The following SLC8A1 variants were observed in gnomAD, a reference collection of about 807,000 sequenced individuals.
SLC8A1 encodes the protein solute carrier family 8 member A1.
SLC8A1 carries 18 observed loss-of-function variants against 68.3 expected under a neutral mutation model. That is an observed-to-expected ratio of 0.26 (90% CI 0.18 to 0.39). SLC8A1 has a LOEUF of 0.39. Among genes scored for constraint, SLC8A1 ranks in the 10% least tolerant of loss-of-function variants. SLC8A1 has a pLI of 1.00. For missense variants in SLC8A1, 985 were observed against 1,156.7 expected (o/e 0.85, Z 2.15); for synonymous variants, 475 against 415.5 (o/e 1.14, Z -1.74).
chr2:40,241,836 C>A (rs568850794), intron 2 of SLC8A1, among the ~76,000 whole-genome samples: 1 of 152,200 alleles, frequency 6.6e-6, no homozygotes, highest in Admixed American at 6.5e-5. Context: ...TTGTTCCAAT[C>A]TAGTAAGATC....
chr2:40,356,462 C>T (rs1672694132), intron 2 of SLC8A1, among the ~76,000 whole-genome samples: 1 of 151,998 alleles, frequency 6.6e-6, no homozygotes, highest in South Asian at 2.1e-4. Context: ...CGCGTGAATA[C>T]TTCCAAATAT....
intron 2 of SLC8A1, among the ~76,000 whole-genome samples, chr2:40,189,238 T>C (rs372119663): frequency 4.5e-4 from 68 of 152,354 alleles, no homozygotes; most frequent in African/African-American, 1.4e-3. Context: ...TTAGCCAGTT[T>C]ATATTCCATG....
chr2:40,252,959 G>A (rs1366368892), intron 2 of SLC8A1, among the ~76,000 whole-genome samples: 28 of 81,586 alleles, frequency 3.4e-4, no homozygotes, highest in Admixed American at 5.7e-4. Context: ...ACATATGTGT[G>A]TATATGTATG....
chr2:40,166,974 A>T (rs1161548965), intron 4 of SLC8A1, among the ~76,000 whole-genome samples: 1 of 152,240 alleles, frequency 6.6e-6, no homozygotes, highest in African/African-American at 2.4e-5. Flanking sequence ...CTTATAAATG[A>T]CAAGCTGCTT....
chr2:40,411,772 T>C (rs1373422269), intron 2 of SLC8A1, among the ~76,000 whole-genome samples: 2 of 152,106 alleles, frequency 1.3e-5, no homozygotes, highest in African/African-American at 4.8e-5. Flanking sequence ...AGATTATACC[T>C]GTACACACTA....
At chr2:40,215,114 GTATT>G (rs1202464773) in intron 2 of SLC8A1, among the ~76,000 whole-genome samples, 1 of 152,060 alleles carries the variant, frequency 6.6e-6, no homozygotes, top group African/African-American at 2.4e-5. Flanking sequence ...CTCTGCTAAA[GTATT>G]TATGAGTTGT....
At chr2:40,438,115 G>A (rs984824804) in intron 1 of SLC8A1, among the ~76,000 whole-genome samples, 8 of 152,136 alleles carry the variant, frequency 5.3e-5, no homozygotes, top group Admixed American at 4.6e-4. Context: ...GCAAGCTAGA[G>A]ATTTCAATTA....
Position 40,434,531 on chromosome 2 carries a change from T to G in SLC8A1, c.-24-4227A>C, listed in dbSNP as rs114997489. Among the ~76,000 whole-genome samples the G allele has an allele frequency of 3.9e-3, 600 of 152,284 alleles. 6 individuals are homozygous for G. Among genetic ancestry groups the G allele is most frequent in the African/African-American group, 0.014 (586 of 41,572 alleles). Reference sequence around the variant, plus strand: ...CCTCAAATATACATTTCCATACAAATTAAGCAGAAAGATAAGAATAGAGAC... The same window carrying G: ...CCTCAAATATACATTTCCATACAAAGTAAGCAGAAAGATAAGAATAGAGAC... On this transcript the variant is annotated intron_variant, in intron 1 of 7. Transcript: ENST00000406785.
At chr2:40,468,771 C>T (rs547127297) in intron 1 of SLC8A1, among the ~76,000 whole-genome samples, 5 of 152,030 alleles carry the variant, frequency 3.3e-5, no homozygotes, top group Admixed American at 6.6e-5. Context: ...CCTTCACCTT[C>T]GATGACTTTA....
intron 2 of SLC8A1, among the ~76,000 whole-genome samples, chr2:40,329,782 T>C (rs1391988842): frequency 3.9e-5 from 6 of 152,134 alleles, no homozygotes; most frequent in African/African-American, 1.4e-4. Context: ...TTGCAAGTAT[T>C]CCTCAATCCC....
At chr2:40,429,456 A>T (rs992511375) in exon 2 of SLC8A1, 4 of 1,613,902 alleles carry the variant, frequency 2.5e-6, no homozygotes, top group East Asian at 4.5e-5. Flanking sequence ...CATGTTCAAT[A>T]ATCATCCCCC....
chr2:40,197,203 G>A (rs950832440), intron 2 of SLC8A1, among the ~76,000 whole-genome samples: 2 of 151,968 alleles, frequency 1.3e-5, no homozygotes, highest in Non-Finnish European at 2.9e-5. Context: ...TATTTTGAGT[G>A]CATTTCGATA....
chr2:40,368,125 T>C (rs761449622), intron 2 of SLC8A1, among the ~76,000 whole-genome samples: 3 of 152,056 alleles, frequency 2.0e-5, no homozygotes, highest in Admixed American at 6.6e-5. Context: ...CTTTTAATCA[T>C]TGATAAAAAC....
intron 2 of SLC8A1, among the ~76,000 whole-genome samples, chr2:40,276,476 A>G (rs186043595): frequency 9.7e-4 from 148 of 152,322 alleles, no homozygotes; most frequent in African/African-American, 3.3e-3. Flanking sequence ...TCTATTCCTA[A>G]TGCATTATTC....
At chr2:40,271,092 A>G (rs758982506) in intron 2 of SLC8A1, among the ~76,000 whole-genome samples, 4 of 152,116 alleles carry the variant, frequency 2.6e-5, no homozygotes, top group Non-Finnish European at 5.9e-5. Flanking sequence ...AGTTATCCTT[A>G]AAAACACAAT....
intron 7 of SLC8A1, among the ~76,000 whole-genome samples, chr2:40,123,945 C>T (rs2037495940): frequency 6.6e-6 from 1 of 152,208 alleles, no homozygotes; most frequent in African/African-American, 2.4e-5. Flanking sequence ...TCCTCCCTTC[C>T]CAATAATCTC....
At chr2:40,355,713 C>T (rs866343049) in intron 2 of SLC8A1, among the ~76,000 whole-genome samples, 78 of 152,270 alleles carry the variant, frequency 5.1e-4, no homozygotes, top group Middle Eastern at 3.4e-3. Flanking sequence ...ACGTAACAAA[C>T]ACTGGTCCAC....
chr2:40,378,853 C>A (rs1290102699), intron 2 of SLC8A1, among the ~76,000 whole-genome samples: 2 of 152,084 alleles, frequency 1.3e-5, no homozygotes, highest in Non-Finnish European at 2.9e-5. Context: ...CTCAATGCCA[C>A]CTCCTAGAGA....
intron 2 of SLC8A1, among the ~76,000 whole-genome samples, chr2:40,331,399 G>A (rs1435256490): frequency 1.3e-5 from 2 of 151,974 alleles, no homozygotes; most frequent in African/African-American, 4.8e-5. Flanking sequence ...TTTGGTACTT[G>A]TCTGTATTCA....
Sources: gnomAD v4.1 joint callset for allele counts (sites outside exome capture counted in the v4.1 genomes callset) on GRCh38, gnomAD v4.1.1 for gene constraint, MANE v1.5 for transcripts, NCBI Gene and HGNC (gene_info 2026-07-23, HGNC 2026-07-21) for gene names.